The following PARVB variants were observed in gnomAD, a reference collection of about 807,000 sequenced individuals.
PARVB encodes the protein parvin beta.
In PARVB, 46 loss-of-function variants were observed where a neutral mutation model predicts 47.0. The observed-to-expected ratio is 0.98, with a 90% confidence interval of 0.77 to 1.25. The LOEUF (loss-of-function observed/expected upper bound fraction) is 1.25, where lower values mean the gene tolerates loss of function less well. Among genes scored for constraint, PARVB ranks in the 50% most tolerant of loss-of-function variants. The pLI, the probability that PARVB is intolerant of heterozygous loss-of-function variation, is 0.00. For missense variants in PARVB, 473 were observed against 471.6 expected, an observed-to-expected ratio of 1.00 and a Z score of -0.03; for synonymous variants, 196 against 196.3, an observed-to-expected ratio of 1.00 and a Z score of 0.01.
At chr22:44,023,362 T>C (rs186251781), upstream of PARVB, among the ~76,000 whole-genome samples, 2 of 151,598 alleles carry the variant, frequency 1.3e-5, no homozygotes, top group Non-Finnish European at 2.9e-5. Context: ...AATACAAAAA[T>C]TACCCGGTCG....
chr22:44,044,191 GT>G lies in PARVB; in HGVS notation c.112+19757del, dbSNP rs776354860. Among the ~76,000 whole-genome samples the G allele has an allele frequency of 6.5e-3, 879 of 134,956 alleles. 6 individuals are homozygous for G. The highest frequency in any genetic ancestry group is 7.6e-3 in the Middle Eastern group (2 of 264). The allele number at this position is 134,956 out of a possible 152,430, so 88.5% of individuals were successfully genotyped here. ...AACTGAGACAGCAGCATTTTTTGTG[GT>G]TTTTTTTTTTTTTTTTGAGATGGAG... On this transcript the variant is annotated intron_variant, in intron 1 of 12. Transcript: ENST00000338758.
intron 12 of PARVB, among the ~76,000 whole-genome samples, chr22:44,166,521 A>G (rs1164050510): frequency 6.6e-6 from 1 of 152,030 alleles, no homozygotes; most frequent in Non-Finnish European, 1.5e-5. Context: ...TGTGTTTCCT[A>G]CTCATCTGCC....
In PARVB at chr22:44,103,450, C is replaced by T. The variant is rs1309647951; in HGVS notation, c.273+3327C>T. 2 of 152,176 alleles carry T rather than the reference C, an allele frequency of 1.3e-5. No homozygotes were observed. Among genetic ancestry groups the T allele is most frequent in the African/African-American group, 4.8e-5 (2 of 41,428 alleles). 9.4% of individuals were successfully genotyped at this position (152,176 alleles called of 1,614,324 possible). A position where few individuals can be genotyped will look rare whatever the true frequency, so the allele number is the denominator to read the frequency against. On this transcript the variant is annotated intron_variant, in intron 3 of 12. Transcript: ENST00000338758. This position sits in a 1 kb window ranked among gnomAD's most constrained non-coding sequence, Gnocchi z 4.6. ...CCCTGTTGCTCGTCTAGGGTGCCCT[C>T]CCCTCACCCCCAAACCCCTGCCAAA...
At chr22:44,053,952 C>T (rs2146943482) in intron 1 of PARVB, among the ~76,000 whole-genome samples, 1 of 152,306 alleles carries the variant, frequency 6.6e-6, no homozygotes, top group Admixed American at 6.5e-5. Context: ...TGAATCCTGC[C>T]TTCCTGGGCC....
chr22:44,007,138 C>T (rs1439431737), intron 2 of PARVB, among the ~76,000 whole-genome samples: 2 of 152,240 alleles, frequency 1.3e-5, no homozygotes, highest in African/African-American at 4.8e-5. Flanking sequence ...AGCGATCAAG[C>T]TCTTAGTGTG....
intron 1 of PARVB, among the ~76,000 whole-genome samples, chr22:44,082,031 G>A (rs887899423): frequency 3.3e-5 from 5 of 152,340 alleles, no homozygotes; most frequent in Middle Eastern, 3.4e-3. Flanking sequence ...TAGGATGAGA[G>A]TGGTCAGGAG....
At position 44,049,822 on chromosome 22, in the gene PARVB, A is replaced by T. The variant is rs1297837775; in HGVS notation, c.112+25371A>T. Among the ~76,000 whole-genome samples, 2 of 152,272 alleles carry T rather than the reference A, an allele frequency of 1.3e-5. No homozygotes were observed. Among genetic ancestry groups the T allele is most frequent in the South Asian group, 2.1e-4 (1 of 4,820 alleles). ...GGGGGCTCAGCCATCTGGCACATGG[A>T]GTGAGTAGGTTTTATTGCCAAAGCC... On this transcript the variant is annotated intron_variant, in intron 1 of 12. Coordinates refer to ENST00000338758, the MANE Select transcript of PARVB (RefSeq NM_013327.5). The surrounding 1 kb of genome is among the most constrained non-coding windows in gnomAD (Gnocchi z 4.0).
intron 1 of PARVB, among the ~76,000 whole-genome samples, chr22:44,036,695 C>T (rs535291159): frequency 5.3e-5 from 8 of 152,204 alleles, no homozygotes; most frequent in East Asian, 1.9e-4. Context: ...AGAAGGAGTG[C>T]GTTGGCTCAT....
chr22:44,133,992 T>C (rs1324964725), intron 6 of PARVB, among the ~76,000 whole-genome samples: 1 of 152,164 alleles, frequency 6.6e-6, no homozygotes, highest in Admixed American at 6.5e-5. Flanking sequence ...TCTGTGGGGG[T>C]GACCACTGCG....
chr22:44,042,277 C>T (rs2051032408), intron 1 of PARVB, among the ~76,000 whole-genome samples: 1 of 152,134 alleles, frequency 6.6e-6, no homozygotes, highest in Non-Finnish European at 1.5e-5. Flanking sequence ...AAAAATTAGC[C>T]AGGCCTGGTG....
chr22:44,140,091 A>G lies in PARVB; in HGVS notation c.693-33A>G, dbSNP rs1335977515. ...TGTGAAACTGTGTTCTGAGTGACCC[A>G]TCTCATGGCTCTCTCTGTGTTCTTG... is the stretch of plus-strand genomic sequence containing the variant. On this transcript the variant is annotated intron_variant, in intron 7 of 12. Coordinates refer to ENST00000338758, the MANE Select transcript of PARVB (RefSeq NM_013327.5). 3 of 1,064,410 alleles carry G rather than the reference A, an allele frequency of 2.8e-6. 1 individual carries two copies. Among genetic ancestry groups the G allele is most frequent in the Middle Eastern group, 6.0e-4 (2 of 3,312 alleles). The allele number at this position is 1,064,410 out of a possible 1,614,324, so 65.9% of individuals were successfully genotyped here.
rs10711277 is a variant in PARVB at position 44,005,275 on chromosome 22, A to AT, written c.211+5618dup. 9.6e-4 allele frequency among the ~76,000 whole-genome samples: 128 copies of AT among 132,988 alleles called. 1 individual carries two copies. Among genetic ancestry groups the AT allele is most frequent in the Middle Eastern group, 3.9e-3 (1 of 258 alleles). 87.2% of individuals were successfully genotyped at this position (132,988 alleles called of 152,430 possible). On this transcript the variant is annotated intron_variant, in intron 2 of 13. Coordinates refer to the PARVB transcript ENST00000406477. ...CCACCGTGCCCAGCTAATTTTTTCT[A>AT]TTTTTTTTTTTTTTTTCTGTAGAGA... is the stretch of plus-strand genomic sequence containing the variant.
chr22:44,079,725 C>T (rs974248430), intron 1 of PARVB, among the ~76,000 whole-genome samples: 1 of 152,104 alleles, frequency 6.6e-6, no homozygotes, highest in Non-Finnish European at 1.5e-5. Context: ...GTCAGGAGTT[C>T]GAGACCAGCC....
At chr22:44,020,786 CTT>C (rs35736968), upstream of PARVB, among the ~76,000 whole-genome samples, 2 of 145,702 alleles carry the variant, frequency 1.4e-5, no homozygotes. Flanking sequence ...TCTGTCCTTT[CTT>C]TTTTTTTTTT....
intron 1 of PARVB, among the ~76,000 whole-genome samples, chr22:44,030,371 GA>G (rs2050803726): frequency 6.6e-6 from 1 of 152,362 alleles, no homozygotes; most frequent in East Asian, 1.9e-4. Flanking sequence ...TTAGCCCAGG[GA>G]GGGGGAGGGG....
intron 1 of PARVB, among the ~76,000 whole-genome samples, chr22:44,058,930 T>C (rs891063411): frequency 5.3e-5 from 8 of 151,980 alleles, no homozygotes. Context: ...CCACTAGTTA[T>C]GGTCACTCAG....
intron 1 of PARVB, among the ~76,000 whole-genome samples, chr22:44,056,414 T>C (rs901259714): frequency 2.0e-5 from 3 of 152,220 alleles, no homozygotes; most frequent in Admixed American, 6.5e-5. Context: ...CCTGCGCCAT[T>C]TCCTGCCTGC....
chr22:44,134,110 T>C (rs141791755), intron 6 of PARVB, among the ~76,000 whole-genome samples: 2 of 152,312 alleles, frequency 1.3e-5, no homozygotes, highest in African/African-American at 4.8e-5. Context: ...TCCCGTGGTC[T>C]CTGTGGTCGG....
At position 44,171,094 on chromosome 22, in the gene PARVB, A is replaced by G. The variant is rs2054263792; in HGVS notation, c.*2416A>G. The G allele has an allele frequency of 6.6e-6, 1 of 152,334 alleles. No homozygotes were observed. Among genetic ancestry groups the G allele is most frequent in the Non-Finnish European group, 1.5e-5 (1 of 68,126 alleles). The allele number at this position is 152,334 out of a possible 1,614,324, so 9.4% of individuals were successfully genotyped here. On this transcript the variant is annotated 3_prime_UTR_variant, in exon 13 of 13. Coordinates refer to ENST00000338758, the MANE Select transcript of PARVB (RefSeq NM_013327.5). Reference sequence around the variant, plus strand: ...GAACGTTCTGTGCTGCCTGCATGGCATGTACAGGACCGCGGCCCCCTGGAG... The same window carrying G: ...GAACGTTCTGTGCTGCCTGCATGGCGTGTACAGGACCGCGGCCCCCTGGAG...
Sources: gnomAD v4.1 joint callset for allele counts (sites outside exome capture counted in the v4.1 genomes callset) on GRCh38, gnomAD v4.1.1 for gene constraint, Gnocchi (gnomAD v3.1) non-coding constraint, MANE v1.5 for transcripts, NCBI Gene and HGNC (gene_info 2026-07-23, HGNC 2026-07-21) for gene names.